DIAPH2: variants seen among roughly 807,000 people sequenced by gnomAD.
DIAPH2 encodes the protein protein diaphanous homolog 2.
Under a neutral mutation model 92.7 loss-of-function variants are expected in DIAPH2, and 35 were observed. The observed-to-expected ratio is 0.38, with a 90% CI of 0.29 to 0.50. The LOEUF (loss-of-function observed/expected upper bound fraction) is 0.50. DIAPH2 is among the 20% of genes least tolerant of loss of function. DIAPH2 has a pLI of 0.94. For synonymous variants in DIAPH2, 301 were observed against 280.4 expected, an observed-to-expected ratio of 1.07 and a Z score of -0.73; for missense variants, 701 against 819.5, an observed-to-expected ratio of 0.86 and a Z score of 1.77.
intron 26 of DIAPH2, among the ~76,000 whole-genome samples, chrX:97,529,456 G>A (rs2071045818): frequency 8.9e-6 from 1 of 112,238 alleles, no homozygotes; most frequent in Admixed American, 9.5e-5. Context: ...TGTGTTCTAG[G>A]CAATGTGCTA....
intron 26 of DIAPH2, among the ~76,000 whole-genome samples, chrX:97,486,354 T>C (rs1350537010): frequency 1.8e-5 from 2 of 111,939 alleles, no homozygotes; most frequent in Non-Finnish European, 3.8e-5. Context: ...AACATTTGTT[T>C]TTGATACACC....
At chrX:97,490,945 A>G (rs1309728514) in intron 26 of DIAPH2, among the ~76,000 whole-genome samples, 2 of 108,424 alleles carry the variant, frequency 1.8e-5, no homozygotes, top group African/African-American at 3.4e-5. Context: ...GTTCAAGTCT[A>G]TTGTTTCCTT....
intron 4 of DIAPH2, among the ~76,000 whole-genome samples, chrX:96,773,364 C>G (rs1370733906): frequency 9.2e-6 from 1 of 108,612 alleles, no homozygotes; most frequent in Non-Finnish European, 1.9e-5. Context: ...AGTGTGAGCC[C>G]TAATCCAGTC....
At position 97,089,930 on chromosome X, in the gene DIAPH2, G is replaced by A. The variant is rs1019142720; in HGVS notation, c.2248-9764G>A. On this transcript the variant is annotated intron_variant, in intron 19 of 26. Transcript: ENST00000324765. ...TTTTTAGTAGAGATGGAGTTTCACC[G>A]TGTTCGGCAAGATGGTCTCGAACTC... is the stretch of plus-strand genomic sequence containing the variant. Among the ~76,000 whole-genome samples the A allele has an allele frequency of 1.4e-4, 15 of 110,876 alleles. 1 individual carries two copies. In the East Asian group the frequency reaches 3.7e-3, roughly 27 times the overall value.
At chrX:96,895,595 A>G (rs1170701508) in intron 5 of DIAPH2, among the ~76,000 whole-genome samples, 1 of 111,831 alleles carries the variant, frequency 8.9e-6, no homozygotes, top group Non-Finnish European at 1.9e-5. Flanking sequence ...CCTTGTGTGT[A>G]TGATTTAGCA....
At chrX:97,089,083 GATTTT>G (rs2066804409) in intron 19 of DIAPH2, among the ~76,000 whole-genome samples, 1 of 112,003 alleles carries the variant, frequency 8.9e-6, no homozygotes, top group Admixed American at 9.5e-5. Flanking sequence ...CAGATGAAGA[GATTTT>G]CCGTCAGTGA....
intron 4 of DIAPH2, among the ~76,000 whole-genome samples, chrX:96,790,830 G>C (rs1024746536): frequency 2.7e-5 from 3 of 111,579 alleles, no homozygotes; most frequent in Non-Finnish European, 3.8e-5. Context: ...AGGAAAACAG[G>C]CCCAGGCTCT....
At chrX:97,222,757 T>TA (rs2067935939) in intron 22 of DIAPH2, among the ~76,000 whole-genome samples, 1 of 112,066 alleles carries the variant, frequency 8.9e-6, no homozygotes, top group African/African-American at 3.2e-5. Flanking sequence ...AATGCTAGTA[T>TA]AATGTGACCC....
At chrX:97,144,841 T>A (rs1375810617) in intron 22 of DIAPH2, among the ~76,000 whole-genome samples, 2 of 111,726 alleles carry the variant, frequency 1.8e-5, no homozygotes, top group Non-Finnish European at 3.8e-5. Context: ...CTTAGCTCAC[T>A]GCAACATCTG....
intron 22 of DIAPH2, among the ~76,000 whole-genome samples, chrX:97,187,846 G>A (rs957332870): frequency 9.9e-5 from 11 of 111,321 alleles, no homozygotes; most frequent in Non-Finnish European, 1.7e-4. Flanking sequence ...ACTTAGCAAG[G>A]TAATTAACAT....
At chrX:97,347,787 G>A (rs995214114) in intron 23 of DIAPH2, among the ~76,000 whole-genome samples, 1 of 111,120 alleles carries the variant, frequency 9.0e-6, no homozygotes, top group Non-Finnish European at 1.9e-5. Flanking sequence ...GAGCTGATTA[G>A]GGTGGGCCCT....
intron 1 of DIAPH2, among the ~76,000 whole-genome samples, chrX:96,702,019 A>G (rs891734874): frequency 1.8e-5 from 2 of 112,383 alleles, no homozygotes; most frequent in Non-Finnish European, 3.8e-5. Flanking sequence ...TCTTCTTCTT[A>G]CAAGTAACAG....
At chrX:96,773,935 G>T (rs1376837952) in intron 4 of DIAPH2, among the ~76,000 whole-genome samples, 1 of 111,880 alleles carries the variant, frequency 8.9e-6, no homozygotes, top group Non-Finnish European at 1.9e-5. Flanking sequence ...AATTTCTGTT[G>T]TTTGTGTTCC....
intron 23 of DIAPH2, among the ~76,000 whole-genome samples, chrX:97,293,414 A>G (rs1445014676): frequency 1.8e-5 from 2 of 109,170 alleles, no homozygotes; most frequent in African/African-American, 6.6e-5. Context: ...CACCAGGCCC[A>G]GCTAATTTTT....
rs151015879 is a variant in DIAPH2 at position 97,276,877 on chromosome X, A to C, written c.2844+29038A>C. Among the ~76,000 whole-genome samples the C allele has an allele frequency of 4.3e-3, 487 of 112,489 alleles. 3 individuals carry two copies. The highest frequency in any genetic ancestry group is 0.014 in the African/African-American group (423 of 31,041). On this transcript the variant is annotated intron_variant, in intron 23 of 26. Coordinates refer to ENST00000324765, the MANE Select transcript of DIAPH2 (RefSeq NM_006729.5). Reference sequence around the variant, plus strand: ...TTCCATAGAATAAGAGAATAAGGTGACTAGATCTTCAAGGTACTGAAGTTA... The same window carrying C: ...TTCCATAGAATAAGAGAATAAGGTGCCTAGATCTTCAAGGTACTGAAGTTA...
intron 1 of DIAPH2, among the ~76,000 whole-genome samples, chrX:96,703,115 TG>T (rs2063864638): frequency 9.0e-6 from 1 of 111,595 alleles, no homozygotes; most frequent in Non-Finnish European, 1.9e-5. Flanking sequence ...CCCAGATGTA[TG>T]TATGAGAGTG....
At chrX:96,735,820 A>C (rs771822841) in intron 2 of DIAPH2, 30 bp downstream of exon 2, 16 of 865,086 alleles carry the variant, frequency 1.8e-5, no homozygotes, top group Non-Finnish European at 2.6e-5. Flanking sequence ...TTATTACATT[A>C]CTTATGCATG....
intron 4 of DIAPH2, among the ~76,000 whole-genome samples, chrX:96,866,880 A>G (rs1447653903): frequency 8.9e-6 from 1 of 112,363 alleles, no homozygotes. Flanking sequence ...ATGACATGCT[A>G]GAATAGTAAA....
At chrX:97,327,959 T>C (rs1266858941) in intron 23 of DIAPH2, among the ~76,000 whole-genome samples, 1 of 112,510 alleles carries the variant, frequency 8.9e-6, no homozygotes, top group Non-Finnish European at 1.9e-5. Context: ...CCACAATTCA[T>C]TTAATGAATC....
Sources: gnomAD v4.1 joint callset for allele counts (sites outside exome capture counted in the v4.1 genomes callset) on GRCh38, gnomAD v4.1.1 for gene constraint, MANE v1.5 for transcripts, NCBI Gene and HGNC (gene_info 2026-07-23, HGNC 2026-07-21) for gene names.